RGS17: variants seen among roughly 807,000 people sequenced by gnomAD.
The protein encoded by RGS17 is regulator of G protein signaling 17.
RGS17 carries 12 observed loss-of-function variants against 25.5 expected under a neutral mutation model. The ratio of observed to expected loss-of-function variants is 0.47; its 90% CI spans 0.30 to 0.76. The LOEUF (loss-of-function observed/expected upper bound fraction) is 0.76. Among genes scored for constraint, RGS17 ranks in the 30% least tolerant of loss-of-function variants. The probability of loss-of-function intolerance (pLI) is 0.07; values close to 1 mark genes in which losing one functional copy is unlikely to be tolerated. For synonymous variants in RGS17, 71 were observed against 76.9 expected (o/e 0.92, Z 0.40); for missense variants, 196 against 242.2 (o/e 0.81, Z 1.27).
intron 1 of RGS17, among the ~76,000 whole-genome samples, chr6:153,112,930 T>C (rs150261080): frequency 0.011 from 1,641 of 152,080 alleles, 26 homozygotes; most frequent in African/African-American, 0.038. Context: ...AAGCACTAAA[T>C]ATGGGAAGGA....
chr6:153,043,614 A>G (rs1776348748), intron 2 of RGS17, among the ~76,000 whole-genome samples: 1 of 152,136 alleles, frequency 6.6e-6, no homozygotes, highest in Non-Finnish European at 1.5e-5. Context: ...TCTTATTTTT[A>G]CCCATATCTT....
rs1290093681 is a variant in RGS17 at position 153,004,550 on chromosome 6, A to G, written c.*7024T>C. On this transcript the variant is annotated 3_prime_UTR_variant, in exon 5 of 5. Transcript: ENST00000206262. Reference sequence around the variant, plus strand: ...ACAATAACATCCATAGGTTTCCACAATCTAGTAAAATGAAAACAGCTGTAT... The same window carrying G: ...ACAATAACATCCATAGGTTTCCACAGTCTAGTAAAATGAAAACAGCTGTAT... 6.6e-6 allele frequency: 1 copy of G among 152,200 alleles called. No homozygotes were observed. Among genetic ancestry groups the G allele is most frequent in the African/African-American group, 2.4e-5 (1 of 41,456 alleles). The allele number at this position is 152,200 out of a possible 1,614,324, so 9.4% of individuals were successfully genotyped here.
intron 1 of RGS17, among the ~76,000 whole-genome samples, chr6:153,113,420 G>A (rs1425779908): frequency 6.6e-6 from 1 of 152,178 alleles, no homozygotes; most frequent in African/African-American, 2.4e-5. Context: ...GGAGCACCCA[G>A]ATTGATAAAG....
intron 1 of RGS17, among the ~76,000 whole-genome samples, chr6:153,116,805 T>C (rs1777553719): frequency 1.3e-5 from 2 of 152,158 alleles, no homozygotes; most frequent in South Asian, 4.1e-4. Flanking sequence ...ACCATCATTC[T>C]CAGCAAACTA....
chr6:153,018,825 C>T (rs1323232119), intron 4 of RGS17, among the ~76,000 whole-genome samples: 5 of 152,194 alleles, frequency 3.3e-5, no homozygotes, highest in African/African-American at 7.2e-5. Context: ...TGATAATATG[C>T]GTGCATAAAA....
intron 1 of RGS17, among the ~76,000 whole-genome samples, chr6:153,103,864 T>TCC (rs1777342105): frequency 1.3e-5 from 2 of 152,200 alleles, no homozygotes; most frequent in African/African-American, 4.8e-5. Flanking sequence ...CATCTTAAAA[T>TCC]TGTCAGAGTG....
rs1308325058 is a variant in RGS17 at position 153,130,051 on chromosome 6, C to T, written c.-26+1073G>A. Among the ~76,000 whole-genome samples the T allele has an allele frequency of 6.6e-6, 1 of 152,098 alleles. No homozygotes were observed. Among genetic ancestry groups the T allele is most frequent in the East Asian group, 1.9e-4 (1 of 5,152 alleles). ...GGCGCGGGCTGCCCGCGACAAGGTG[C>T]CAGCAGCCTCGGGCTCGCGAGGAGC... is the stretch of plus-strand genomic sequence containing the variant. On this transcript the variant is annotated intron_variant, in intron 1 of 4. Transcript: ENST00000206262. The surrounding 1 kb of genome is among the most constrained non-coding windows in gnomAD (Gnocchi z 6.4).
At chr6:153,097,187 T>C (rs1475208733) in intron 1 of RGS17, among the ~76,000 whole-genome samples, 1 of 152,022 alleles carries the variant, frequency 6.6e-6, no homozygotes, top group East Asian at 1.9e-4. Flanking sequence ...AAAAATGACC[T>C]ATGGATGTAA....
intron 1 of RGS17, among the ~76,000 whole-genome samples, chr6:153,066,989 G>A (rs1292998054): frequency 6.6e-6 from 1 of 152,092 alleles, no homozygotes; most frequent in Non-Finnish European, 1.5e-5. Flanking sequence ...GCAATGAGCT[G>A]AGATCGCACC....
Position 153,024,399 on chromosome 6 carries a change from G to A in RGS17, c.307C>T (p.Arg103Ter). Residue 103 changes from arginine to a stop codon, truncating the protein, a stop_gained, in exon 4 of 5, where the codon CGA (arginine) becomes TGA (stop). Transcript: ENST00000206262. LOFTEE classifies it high-confidence loss of function. ...AGGTTCTCTTCACTGTATTCTGTTC[G>A]GAGGAACTCTCTGAAAAGGTTTCTT... is the stretch of plus-strand genomic sequence containing the variant. ...AGRNLFREFL[R>*]TEYSEENLLF... is the part of the protein sequence containing the mutation. 2 of 1,613,952 alleles carry A rather than the reference G, an allele frequency of 1.2e-6. No individual in the cohort carries two copies. The highest frequency in any genetic ancestry group is 1.7e-6 in the Non-Finnish European group (2 of 1,179,926).
chr6:153,094,339 G>A (rs996432082), intron 1 of RGS17, among the ~76,000 whole-genome samples: 2 of 151,938 alleles, frequency 1.3e-5, no homozygotes, highest in South Asian at 2.1e-4. Context: ...TCAGCCTCCC[G>A]AAGTGCAAGG....
chr6:153,041,071 G>A (rs1584130005), intron 2 of RGS17, among the ~76,000 whole-genome samples: 2 of 151,832 alleles, frequency 1.3e-5, no homozygotes, highest in East Asian at 3.9e-4. Flanking sequence ...AGGCTGAGGA[G>A]GGAGGATCAC....
Position 153,100,965 on chromosome 6 carries a change from T to C in RGS17, c.-26+30159A>G, listed in dbSNP as rs1777294055. Among the ~76,000 whole-genome samples the C allele has an allele frequency of 1.3e-5, 2 of 152,148 alleles. 1 individual carries two copies. Among genetic ancestry groups the C allele is most frequent in the South Asian group, 4.1e-4 (2 of 4,828 alleles). On this transcript the variant is annotated intron_variant, in intron 1 of 4. Transcript: ENST00000206262. ...ACTTTCCTTTTTCTGTCCATAAATC[T>C]TCTAACATGTGGCTGTACTGGAGTC...
At chr6:153,096,171 G>A (rs925061175) in intron 1 of RGS17, among the ~76,000 whole-genome samples, 1 of 150,346 alleles carries the variant, frequency 6.7e-6, no homozygotes, top group Non-Finnish European at 1.5e-5. Flanking sequence ...CTGCTAAGAC[G>A]AGGGAAGGAG....
intron 1 of RGS17, among the ~76,000 whole-genome samples, chr6:153,089,360 G>A (rs914166483): frequency 6.6e-6 from 1 of 151,964 alleles, no homozygotes; most frequent in Non-Finnish European, 1.5e-5. Flanking sequence ...AACTCTAAGA[G>A]TTCATCTAGA....
Position 153,004,827 on chromosome 6 carries a change from A to G in RGS17, c.*6747T>C, listed in dbSNP as rs1460907653. ...TACCCACCGTTATTCTGGCATTGCA[A>G]AATAACCAAGTGTGGTGCCTCTTAA... is the stretch of plus-strand genomic sequence containing the variant. On this transcript the variant is annotated 3_prime_UTR_variant, in exon 5 of 5. Coordinates refer to ENST00000206262, the MANE Select transcript of RGS17 (RefSeq NM_012419.5). The G allele has an allele frequency of 1.3e-5, 2 of 152,164 alleles. No individual in the cohort carries two copies. The highest frequency in any genetic ancestry group is 2.9e-5 in the Non-Finnish European group (2 of 67,994). 9.4% of individuals were successfully genotyped at this position (152,164 alleles called of 1,614,324 possible). A position where few individuals can be genotyped will look rare whatever the true frequency, so the allele number is the denominator to read the frequency against.
intron 1 of RGS17, among the ~76,000 whole-genome samples, chr6:153,054,056 T>C (rs1776512920): frequency 6.9e-5 from 5 of 72,796 alleles, no homozygotes; most frequent in African/African-American, 3.0e-4. Context: ...TATATGTATA[T>C]AATATATATA....
chr6:153,066,078 CAAAAATG>C (rs1345656047), intron 1 of RGS17, among the ~76,000 whole-genome samples: 1 of 151,874 alleles, frequency 6.6e-6, no homozygotes, highest in Non-Finnish European at 1.5e-5. Context: ...TAAACAAAGT[CAAAAATG>C]AAAAAGGAGA....
At chr6:153,116,325 CTCA>C (rs1562338507) in intron 1 of RGS17, among the ~76,000 whole-genome samples, 1 of 152,148 alleles carries the variant, frequency 6.6e-6, no homozygotes, top group African/African-American at 2.4e-5. Flanking sequence ...TGAAAAAAAG[CTCA>C]TCATCACTGG....
Sources: gnomAD v4.1 joint callset for allele counts (sites outside exome capture counted in the v4.1 genomes callset) on GRCh38, gnomAD v4.1.1 for gene constraint, Gnocchi (gnomAD v3.1) non-coding constraint, MANE v1.5 for transcripts, NCBI Gene and HGNC (gene_info 2026-07-23, HGNC 2026-07-21) for gene names.